Variants in CSMD1 observed in about 807,000 individuals in gnomAD.
CSMD1 encodes the protein CUB and sushi domain-containing protein 1.
Under a neutral mutation model 417.5 loss-of-function variants are expected in CSMD1, and 213 were observed. The ratio of observed to expected loss-of-function variants is 0.51; its 90% CI spans 0.46 to 0.57. CSMD1 has a LOEUF of 0.57. Among genes scored for constraint, CSMD1 ranks in the 20% least tolerant of loss-of-function variants. The pLI, the probability that CSMD1 is intolerant of heterozygous loss-of-function variation, is 0.00. For missense variants in CSMD1, 6,923 were observed against 4,529.7 expected, an observed-to-expected ratio of 1.53 and a Z score of -15.17; for synonymous variants, 2,862 against 1,736.8, an observed-to-expected ratio of 1.65 and a Z score of -16.11.
At chr8:3,992,553 C>A (rs1396470143) in intron 5 of CSMD1, among the ~76,000 whole-genome samples, 1 of 152,148 alleles carries the variant, frequency 6.6e-6, no homozygotes, top group Non-Finnish European at 1.5e-5. Context: ...GGAGGCTGAG[C>A]CAGCAGAATT....
intron 3 of CSMD1, among the ~76,000 whole-genome samples, chr8:4,046,170 A>G (rs1289893850): frequency 6.6e-6 from 1 of 152,092 alleles, no homozygotes; most frequent in Admixed American, 6.6e-5. Context: ...TACACACACA[A>G]TTTATATGTG....
rs955934527 is a variant in CSMD1 at position 4,287,405 on chromosome 8, A to T, written c.415+132548T>A. Among the ~76,000 whole-genome samples the T allele has an allele frequency of 2.0e-4, 30 of 152,210 alleles. 1 individual carries two copies. The highest frequency in any genetic ancestry group is 4.4e-5 in the Non-Finnish European group (3 of 68,042). ...AATGGAACAACATCCCATGATTTCC[A>T]CCAGAAGGTTTCTTTCTAACTACCC... On this transcript the variant is annotated intron_variant, in intron 3 of 69. Transcript: ENST00000635120.
At chr8:3,550,539 A>T (rs1798866170) in intron 10 of CSMD1, among the ~76,000 whole-genome samples, 1 of 152,222 alleles carries the variant, frequency 6.6e-6, no homozygotes, top group African/African-American at 2.4e-5. Flanking sequence ...ACTCAGGGTG[A>T]TTAGCACATC....
At chr8:4,611,730 A>C (rs1801185506) in intron 2 of CSMD1, among the ~76,000 whole-genome samples, 1 of 152,176 alleles carries the variant, frequency 6.6e-6, no homozygotes, top group Admixed American at 6.5e-5. Flanking sequence ...ATTTATAATT[A>C]TATATTCTCA....
At chr8:4,844,058 C>T (rs1161041049) in intron 1 of CSMD1, among the ~76,000 whole-genome samples, 1 of 152,134 alleles carries the variant, frequency 6.6e-6, no homozygotes, top group Non-Finnish European at 1.5e-5. Flanking sequence ...ATGTTAAATG[C>T]CTCAGCTTTC....
chr8:3,319,734 G>T (rs1325542589), intron 23 of CSMD1, among the ~76,000 whole-genome samples: 1 of 151,996 alleles, frequency 6.6e-6, no homozygotes, highest in Non-Finnish European at 1.5e-5. Flanking sequence ...GGTAAGAAAA[G>T]TGTCAGAAGA....
chr8:3,521,755 T>G (rs1797517593), intron 10 of CSMD1, among the ~76,000 whole-genome samples: 1 of 152,196 alleles, frequency 6.6e-6, no homozygotes, highest in South Asian at 2.1e-4. Context: ...AAATTCTCAT[T>G]TATTGTATTC....
intron 11 of CSMD1, among the ~76,000 whole-genome samples, chr8:3,479,282 T>C (rs1817601539): frequency 6.6e-6 from 1 of 152,134 alleles, no homozygotes; most frequent in Non-Finnish European, 1.5e-5. Flanking sequence ...TTATTTTTAT[T>C]TATTTATTTA....
intron 7 of CSMD1, among the ~76,000 whole-genome samples, chr8:3,674,061 A>C (rs2623609): frequency 1.3e-5 from 2 of 152,160 alleles, no homozygotes; most frequent in East Asian, 3.9e-4. Context: ...AGCCATGATA[A>C]TGTCATTGCA....
At chr8:4,892,264 G>A (rs117254803) in intron 1 of CSMD1, among the ~76,000 whole-genome samples, 1 of 151,996 alleles carries the variant, frequency 6.6e-6, no homozygotes. Flanking sequence ...ATACCACCTG[G>A]GTAGCCAGGT....
At chr8:3,238,678 A>G (rs1294154290) in intron 26 of CSMD1, among the ~76,000 whole-genome samples, 1 of 152,148 alleles carries the variant, frequency 6.6e-6, no homozygotes, top group Admixed American at 6.6e-5. Context: ...GTATGAATTG[A>G]AAAACTAAAC....
intron 23 of CSMD1, among the ~76,000 whole-genome samples, chr8:3,314,999 A>T (rs1805642265): frequency 6.6e-6 from 1 of 152,240 alleles, no homozygotes; most frequent in South Asian, 2.1e-4. Context: ...GAAAAGGAAT[A>T]CTGGTCATTT....
chr8:3,207,741 AT>A (rs1402176895), intron 30 of CSMD1, among the ~76,000 whole-genome samples: 2 of 152,210 alleles, frequency 1.3e-5, no homozygotes, highest in Non-Finnish European at 2.9e-5. Context: ...GCTGACAGAA[AT>A]TTAAGCAGAG....
chr8:4,347,232 G>A (rs1424651976), intron 3 of CSMD1, among the ~76,000 whole-genome samples: 1 of 152,034 alleles, frequency 6.6e-6, no homozygotes, highest in Non-Finnish European at 1.5e-5. Flanking sequence ...ATTACATCAT[G>A]CTTAAAATGA....
chr8:3,643,907 T>C (rs75689939), intron 7 of CSMD1, among the ~76,000 whole-genome samples: 20 of 152,250 alleles, frequency 1.3e-4, no homozygotes, highest in African/African-American at 4.6e-4. Context: ...GGGCAAGAGA[T>C]GAACAAAACC....
chr8:3,291,124 C>T (rs968723904), intron 25 of CSMD1, among the ~76,000 whole-genome samples: 5 of 152,122 alleles, frequency 3.3e-5, no homozygotes, highest in Admixed American at 6.6e-5. Context: ...TGCTAGATTA[C>T]ATTTATTGAT....
At chr8:3,860,386 T>C (rs542558264) in intron 5 of CSMD1, among the ~76,000 whole-genome samples, 25 of 152,292 alleles carry the variant, frequency 1.6e-4, no homozygotes, top group African/African-American at 5.5e-4. Flanking sequence ...ATTAAAAAAA[T>C]CATCAGTCAA....
At chr8:3,710,187 C>G (rs1024865999) in intron 6 of CSMD1, among the ~76,000 whole-genome samples, 1 of 151,656 alleles carries the variant, frequency 6.6e-6, no homozygotes, top group African/African-American at 2.4e-5. Context: ...TTTTAATTGT[C>G]GCAAATTTCC....
chr8:4,548,698 T>A (rs1797736633), intron 2 of CSMD1, among the ~76,000 whole-genome samples: 1 of 152,126 alleles, frequency 6.6e-6, no homozygotes, highest in Admixed American at 6.5e-5. Context: ...TACAAAGCAT[T>A]TCTCTTTTTT....
Sources: gnomAD v4.1 joint callset for allele counts (sites outside exome capture counted in the v4.1 genomes callset) on GRCh38, gnomAD v4.1.1 for gene constraint, MANE v1.5 for transcripts, NCBI Gene and HGNC (gene_info 2026-07-23, HGNC 2026-07-21) for gene names.